The following KCNMB2 variants were observed in gnomAD, a reference collection of about 807,000 sequenced individuals.
KCNMB2 encodes the protein calcium-activated potassium channel subunit beta-2.
KCNMB2 carries 9 observed loss-of-function variants against 24.5 expected under a neutral mutation model. The ratio of observed to expected loss-of-function variants is 0.37; its 90% CI spans 0.22 to 0.64. The LOEUF is 0.64. KCNMB2 is among the 30% of genes least tolerant of loss of function. KCNMB2 has a pLI of 0.63. For synonymous variants in KCNMB2, 109 were observed against 104.4 expected, an observed-to-expected ratio of 1.04 and a Z score of -0.27; for missense variants, 226 against 284.3, an observed-to-expected ratio of 0.79 and a Z score of 1.47.
At chr3:178,828,518 T>C (rs560108147) in intron 4 of KCNMB2, 145 bp downstream of exon 4, 3 of 597,044 alleles carry the variant, frequency 5.0e-6, no homozygotes, top group East Asian at 5.7e-5. Context: ...GAACTTGCTA[T>C]GTGACTCTTG....
At chr3:178,783,833 A>G (rs983433055) in intron 1 of KCNMB2, among the ~76,000 whole-genome samples, 2 of 152,180 alleles carry the variant, frequency 1.3e-5, no homozygotes, top group Non-Finnish European at 2.9e-5. Flanking sequence ...CACTATGTCG[A>G]ATAGGAGTGG....
chr3:178,547,413 C>T (rs906568958), intron 1 of KCNMB2, among the ~76,000 whole-genome samples: 3 of 152,222 alleles, frequency 2.0e-5, no homozygotes, highest in Admixed American at 6.5e-5. Context: ...TCAAAGATAA[C>T]GCTATATTTC....
chr3:178,776,856 A>T (rs75955827), intron 1 of KCNMB2, among the ~76,000 whole-genome samples: 21,725 of 152,196 alleles, frequency 0.14, 1,863 homozygotes, highest in Admixed American at 0.18. Context: ...CTGGAGTTCA[A>T]ACCCTGGCTC....
At chr3:178,783,110 G>A (rs545248721) in intron 1 of KCNMB2, among the ~76,000 whole-genome samples, 20,044 of 149,452 alleles carry the variant, frequency 0.13, 1,628 homozygotes, top group Non-Finnish European at 0.17. Flanking sequence ...GTAGATATAC[G>A]GCGTTATTTC....
At chr3:178,835,442 C>T (rs1306129160) in intron 4 of KCNMB2, among the ~76,000 whole-genome samples, 2 of 152,162 alleles carry the variant, frequency 1.3e-5, no homozygotes. Context: ...TTTACTTTCT[C>T]GACTCACCTG....
At chr3:178,671,378 T>C (rs2108583320) in intron 1 of KCNMB2, among the ~76,000 whole-genome samples, 2 of 152,198 alleles carry the variant, frequency 1.3e-5, no homozygotes, top group East Asian at 3.9e-4. Flanking sequence ...TTGTGTAACC[T>C]TGTGGCATTT....
intron 2 of KCNMB2, among the ~76,000 whole-genome samples, chr3:178,810,702 T>C (rs1577205800): frequency 6.6e-6 from 1 of 152,096 alleles, no homozygotes; most frequent in Non-Finnish European, 1.5e-5. Context: ...TAAACAAACT[T>C]CTTTGTTAGT....
chr3:178,760,397 T>G (rs1429426110), intron 1 of KCNMB2, among the ~76,000 whole-genome samples: 1 of 136,150 alleles, frequency 7.3e-6, no homozygotes, highest in Non-Finnish European at 1.5e-5. Flanking sequence ...TATATCCATA[T>G]CCAAGATATA....
intron 1 of KCNMB2, among the ~76,000 whole-genome samples, chr3:178,660,475 G>A (rs1720487685): frequency 1.3e-5 from 2 of 152,078 alleles, no homozygotes; most frequent in African/African-American, 4.8e-5. Context: ...CTGGAACCAG[G>A]AAACAACTAC....
chr3:178,737,666 C>T (rs1180459840), intron 1 of KCNMB2, among the ~76,000 whole-genome samples: 1 of 152,108 alleles, frequency 6.6e-6, no homozygotes, highest in African/African-American at 2.4e-5. Flanking sequence ...CCAGAAGCTT[C>T]CAAAGTAGTG....
At chr3:178,701,269 A>C (rs1296578245) in intron 1 of KCNMB2, among the ~76,000 whole-genome samples, 2 of 152,052 alleles carry the variant, frequency 1.3e-5, no homozygotes, top group Non-Finnish European at 2.9e-5. Context: ...ACAGCTGTAG[A>C]TGTGTGGTAT....
At chr3:178,559,093 C>T (rs1168857011) in intron 1 of KCNMB2, 2 of 152,116 alleles carry the variant, frequency 1.3e-5, no homozygotes, top group Admixed American at 1.3e-4. Context: ...TTTAAAAGAG[C>T]TGTACTGGTT....
rs1482369868 is a variant in KCNMB2, at chr3:178,759,634, A to G, written c.-67-47709A>G. On this transcript the variant is annotated intron_variant, in intron 1 of 4. Coordinates refer to ENST00000452583, the MANE Select transcript of KCNMB2 (RefSeq NM_181361.3). ...ATATATACATATATCTCTCTCCAAG[A>G]GGATATATATATATATATCTCCAAG... is the stretch of plus-strand genomic sequence containing the variant. Among the ~76,000 whole-genome samples the G allele has an allele frequency of 3.5e-5, 4 of 114,884 alleles. No individual in the cohort carries two copies. The East Asian group carries it at 9.9e-4, about 28-fold the overall frequency. The allele number at this position is 114,884 out of a possible 152,430, so 75.4% of individuals were successfully genotyped here.
chr3:178,599,656 T>C (rs891446164), intron 1 of KCNMB2, among the ~76,000 whole-genome samples: 3 of 152,186 alleles, frequency 2.0e-5, no homozygotes, highest in African/African-American at 4.8e-5. Context: ...ATTTTATGCA[T>C]ACAGTTCAAT....
intron 1 of KCNMB2, among the ~76,000 whole-genome samples, chr3:178,798,088 C>T (rs1404118190): frequency 6.6e-6 from 1 of 152,118 alleles, no homozygotes; most frequent in Non-Finnish European, 1.5e-5. Context: ...CAAACAAAGA[C>T]AATTTGACTT....
Position 178,794,072 on chromosome 3 carries a change from C to T in KCNMB2, c.-67-13271C>T, listed in dbSNP as rs556193764. The stretch of plus-strand genomic sequence containing the variant: ...GTAACATGTAACAAGGGATATTACA[C>T]GGTTGCAAAGCAGCCACTGGCCCCA... On this transcript the variant is annotated intron_variant, in intron 1 of 4. Transcript: ENST00000452583. Among the ~76,000 whole-genome samples the T allele has an allele frequency of 1.9e-4, 29 of 152,236 alleles. No individual in the cohort carries two copies. The East Asian group carries it at 3.5e-3, about 18-fold the overall frequency.
At position 178,690,311 on chromosome 3, in the gene KCNMB2, G is replaced by A. The variant is rs77128580; in HGVS notation, c.-67-117032G>A. Among the ~76,000 whole-genome samples the A allele has an allele frequency of 7.5e-3, 1,145 of 151,856 alleles. 14 individuals are homozygous for A. Among genetic ancestry groups the A allele is most frequent in the African/African-American group, 0.027 (1,110 of 41,470 alleles). On this transcript the variant is annotated intron_variant, in intron 1 of 4. Transcript: ENST00000452583. ...GTTTCTAATTATTCATCAAATCATA[G>A]TGCTAGGGCAAAAAAAAAAGCCTCC...
intron 1 of KCNMB2, among the ~76,000 whole-genome samples, chr3:178,743,663 T>C (rs1409962944): frequency 2.0e-5 from 3 of 152,160 alleles, no homozygotes; most frequent in Non-Finnish European, 4.4e-5. Context: ...AGTGTTCTGA[T>C]AGCAAACTGT....
At chr3:178,724,979 G>T (rs1404848404) in intron 1 of KCNMB2, among the ~76,000 whole-genome samples, 1 of 151,744 alleles carries the variant, frequency 6.6e-6, no homozygotes, top group Non-Finnish European at 1.5e-5. Flanking sequence ...TTTGCTCAGG[G>T]TTGCTTTGGC....
Sources: gnomAD v4.1 joint callset for allele counts (sites outside exome capture counted in the v4.1 genomes callset) on GRCh38, gnomAD v4.1.1 for gene constraint, MANE v1.5 for transcripts, NCBI Gene and HGNC (gene_info 2026-07-23, HGNC 2026-07-21) for gene names.